ANKS1B: variants seen among roughly 807,000 people sequenced by gnomAD.
ANKS1B encodes ankyrin repeat and sterile alpha motif domain containing 1B, also known as ankyrin repeat and sterile alpha motif domain-containing protein 1B.
Under a neutral mutation model 148.3 loss-of-function variants are expected in ANKS1B, and 36 were observed. That is an observed-to-expected ratio of 0.24 (90% CI 0.19 to 0.32). ANKS1B has a LOEUF of 0.32. ANKS1B is among the 10% of genes least tolerant of loss of function. ANKS1B has a pLI of 1.00. For synonymous variants in ANKS1B, 542 were observed against 560.8 expected (o/e 0.97, Z 0.47); for missense variants, 1,157 against 1,542.6 (o/e 0.75, Z 4.19).
chr12:99,504,269 T>C (rs965385460), intron 10 of ANKS1B, among the ~76,000 whole-genome samples: 1 of 152,196 alleles, frequency 6.6e-6, no homozygotes, highest in South Asian at 2.1e-4. Flanking sequence ...ATGTCCATTA[T>C]GGCTTTTACC....
intron 17 of ANKS1B, among the ~76,000 whole-genome samples, chr12:98,978,057 G>A (rs2099900570): frequency 6.6e-6 from 1 of 152,058 alleles, no homozygotes; most frequent in Non-Finnish European, 1.5e-5. Context: ...TTTAATCTAT[G>A]TCTACATTTA....
chr12:99,060,147 T>C (rs1017186215), intron 16 of ANKS1B, among the ~76,000 whole-genome samples: 1 of 152,122 alleles, frequency 6.6e-6, no homozygotes, highest in African/African-American at 2.4e-5. Flanking sequence ...GAGACAGAAA[T>C]TCGAGATAGC....
intron 15 of ANKS1B, among the ~76,000 whole-genome samples, chr12:99,152,637 C>G (rs889915379): frequency 2.0e-5 from 3 of 152,070 alleles, no homozygotes; most frequent in African/African-American, 7.2e-5. Flanking sequence ...GAAAAATAAG[C>G]TGAATTAAAG....
intron 8 of ANKS1B, among the ~76,000 whole-genome samples, chr12:99,727,618 T>C (rs980114709): frequency 3.9e-5 from 6 of 152,174 alleles, no homozygotes; most frequent in African/African-American, 1.4e-4. Flanking sequence ...TTGACAATCT[T>C]CACAGAATTA....
intron 16 of ANKS1B, among the ~76,000 whole-genome samples, chr12:99,059,909 T>C (rs1276527123): frequency 1.3e-5 from 2 of 151,498 alleles, no homozygotes; most frequent in African/African-American, 4.9e-5. Flanking sequence ...AAATTAGCAA[T>C]GATGAAACTT....
intron 17 of ANKS1B, among the ~76,000 whole-genome samples, chr12:98,916,707 G>A (rs1266030438): frequency 6.6e-6 from 1 of 152,198 alleles, no homozygotes; most frequent in Non-Finnish European, 1.5e-5. Context: ...TGGTGCTGGT[G>A]AAACTCACTT....
chr12:99,455,748 C>G (rs754551671), intron 10 of ANKS1B, among the ~76,000 whole-genome samples: 3 of 152,064 alleles, frequency 2.0e-5, no homozygotes, highest in Non-Finnish European at 2.9e-5. Context: ...CCACCCCCAA[C>G]AGTAGCCACA....
rs190930312 is a variant in ANKS1B, at chr12:99,156,123, T to C, written c.2420-1728A>G. ...TGTTTCCTTTCTCTTTTTAAGGGCA[T>C]TGTCAACTTTCCTGGCACACAGACA... On this transcript the variant is annotated intron_variant, in intron 14 of 26. Coordinates refer to ENST00000683438, the MANE Select transcript of ANKS1B (RefSeq NM_001352186.2). Among the ~76,000 whole-genome samples, 7 of 152,284 alleles carry C rather than the reference T, an allele frequency of 4.6e-5. No individual in the cohort carries two copies. In the East Asian group the frequency reaches 9.7e-4, roughly 21 times the overall value.
chr12:99,431,905 A>C (rs977042137), intron 11 of ANKS1B, among the ~76,000 whole-genome samples: 7 of 152,168 alleles, frequency 4.6e-5, no homozygotes, highest in African/African-American at 1.7e-4. Context: ...GGTGGGGCCT[A>C]GTAGAGGGTA....
chr12:98,979,675 T>TG (rs901682953), intron 17 of ANKS1B, among the ~76,000 whole-genome samples: 2 of 151,868 alleles, frequency 1.3e-5, no homozygotes, highest in Non-Finnish European at 2.9e-5. Context: ...AGATTTTTTT[T>TG]TTTTAGCAAT....
At chr12:98,986,577 T>A (rs984379176) in intron 17 of ANKS1B, among the ~76,000 whole-genome samples, 2 of 152,104 alleles carry the variant, frequency 1.3e-5, no homozygotes, top group Non-Finnish European at 2.9e-5. Flanking sequence ...ATTTCCCAAC[T>A]TTTAATGTTT....
intron 9 of ANKS1B, among the ~76,000 whole-genome samples, chr12:99,597,926 C>A (rs1228582327): frequency 6.6e-6 from 1 of 151,870 alleles, no homozygotes; most frequent in African/African-American, 2.4e-5. Context: ...TTCCTTAAAC[C>A]AAGTGTTAAA....
intron 9 of ANKS1B, among the ~76,000 whole-genome samples, chr12:99,617,721 G>C (rs1209162137): frequency 1.3e-4 from 19 of 151,850 alleles, no homozygotes; most frequent in Admixed American, 1.2e-3. Flanking sequence ...TGGGTTGATA[G>C]GTGCAGCAAA....
At chr12:99,888,745 G>T (rs533340691) in intron 1 of ANKS1B, among the ~76,000 whole-genome samples, 2 of 152,194 alleles carry the variant, frequency 1.3e-5, no homozygotes, top group East Asian at 3.9e-4. Flanking sequence ...ACTAATTTGC[G>T]ATATTAAGGT....
chr12:99,254,854 C>T (rs892476775), intron 12 of ANKS1B, among the ~76,000 whole-genome samples: 3 of 152,174 alleles, frequency 2.0e-5, no homozygotes, highest in Admixed American at 6.5e-5. Flanking sequence ...GGGATACCAA[C>T]AGGATAAACT....
At chr12:99,733,762 C>G (rs890325752) in intron 8 of ANKS1B, among the ~76,000 whole-genome samples, 6 of 152,162 alleles carry the variant, frequency 3.9e-5, no homozygotes, top group African/African-American at 1.2e-4. Context: ...TTCTATTCTT[C>G]TAGTTGGGGT....
At chr12:99,362,628 A>G (rs1268859253) in intron 12 of ANKS1B, among the ~76,000 whole-genome samples, 1 of 152,072 alleles carries the variant, frequency 6.6e-6, no homozygotes, top group Admixed American at 6.6e-5. Flanking sequence ...TTATTACGGT[A>G]TCTTAACACA....
chr12:99,315,819 T>C (rs1237052437), intron 12 of ANKS1B, among the ~76,000 whole-genome samples: 1 of 151,146 alleles, frequency 6.6e-6, no homozygotes, highest in Non-Finnish European at 1.5e-5. Flanking sequence ...ATCCCTCCCC[T>C]CTCCCCCCAC....
chr12:99,984,254 C>T lies in ANKS1B; in HGVS notation c.-17G>A, dbSNP rs770399880. On this transcript the variant is annotated 5_prime_UTR_variant, in exon 1 of 27. Coordinates refer to ENST00000683438, the MANE Select transcript of ANKS1B (RefSeq NM_001352186.2). ...CTTCCCCATAGTCTCTCACCGACTC[C>T]CCCACAGAGTCCTTGCCCCCCTCGG... is the stretch of plus-strand genomic sequence containing the variant. 1.2e-6 allele frequency: 2 copies of T among 1,609,442 alleles called. No individual in the cohort carries two copies. The highest frequency in any genetic ancestry group is 2.2e-5 in the South Asian group (2 of 90,596).
Sources: allele counts gnomAD v4.1 joint callset (sites outside exome capture counted in the v4.1 genomes callset), GRCh38; gene constraint gnomAD v4.1.1; transcripts MANE v1.5; gene names NCBI Gene and HGNC (gene_info 2026-07-23, HGNC 2026-07-21).